Variants in ERG observed in about 807,000 individuals in gnomAD.
The protein encoded by ERG is ETS transcription factor ERG.
In ERG, 9 loss-of-function variants were observed where a neutral mutation model predicts 55.3. That is an observed-to-expected ratio of 0.16 (90% confidence interval 0.10 to 0.28). The LOEUF is 0.28. Ranked by LOEUF, ERG falls within the 10% of genes least tolerant of loss-of-function variation. The pLI, the probability that ERG is intolerant of heterozygous loss-of-function variation, is 1.00. For synonymous variants in ERG, 223 were observed against 237.3 expected, an observed-to-expected ratio of 0.94 and a Z score of 0.55; for missense variants, 434 against 631.6, an observed-to-expected ratio of 0.69 and a Z score of 3.35.
chr21:38,381,400 G>C lies in ERG; in HGVS notation c.*2003C>G. 1 of 1,062,852 alleles carries C rather than the reference G, an allele frequency of 9.4e-7. No homozygotes were observed. Among genetic ancestry groups the C allele is most frequent in the Non-Finnish European group, 1.1e-6 (1 of 877,784 alleles). The allele number at this position is 1,062,852 out of a possible 1,614,324, so 65.8% of individuals were successfully genotyped here. A position where few individuals can be genotyped will look rare whatever the true frequency, so the allele number is the denominator to read the frequency against. On this transcript the variant is annotated 3_prime_UTR_variant, in exon 10 of 10. Transcript: ENST00000288319. ...CCCAGGGAAACTGACTCTAGATTAT[G>C]GAAATAAACATTGTCTTCAAGGGAT...
At chr21:38,528,396 G>A (rs1327610938) in intron 2 of ERG, among the ~76,000 whole-genome samples, 1 of 142,146 alleles carries the variant, frequency 7.0e-6, no homozygotes, top group Non-Finnish European at 1.5e-5. Context: ...ACCCATATTA[G>A]GTTGTTTAGT....
intron 2 of ERG, among the ~76,000 whole-genome samples, chr21:38,566,945 G>A (rs149806433): frequency 5.3e-5 from 8 of 152,250 alleles, no homozygotes; most frequent in Non-Finnish European, 1.0e-4. Flanking sequence ...CTAACCATGC[G>A]CAACTTCCAC....
At chr21:38,583,755 A>G (rs894520781) in intron 1 of ERG, among the ~76,000 whole-genome samples, 1 of 152,214 alleles carries the variant, frequency 6.6e-6, no homozygotes, top group African/African-American at 2.4e-5. Context: ...AGATTTAAAG[A>G]CAGACCTGTA....
rs181862392 is a variant in ERG, at chr21:38,490,611, G to A, written c.18+7752C>T. Reference sequence around the variant, plus strand: ...CCCTCCCCGGTTTGAAGATCCGATAGGGGCACTGCTGTTAGCTCCCCCTGC... The same window carrying A: ...CCCTCCCCGGTTTGAAGATCCGATAAGGGCACTGCTGTTAGCTCCCCCTGC... On this transcript the variant is annotated intron_variant, in intron 1 of 9. Coordinates refer to ENST00000288319, the MANE Select transcript of ERG (RefSeq NM_182918.4). Among the ~76,000 whole-genome samples, 261 of 152,332 alleles carry A rather than the reference G, an allele frequency of 1.7e-3. 3 individuals carry two copies. Among genetic ancestry groups the A allele is most frequent in the African/African-American group, 6.0e-3 (250 of 41,578 alleles).
intron 1 of ERG, among the ~76,000 whole-genome samples, chr21:38,611,327 C>T (rs73217985): frequency 0.2 from 30,402 of 152,070 alleles, 3,517 homozygotes; most frequent in Non-Finnish European, 0.26. Context: ...ACATCACTCC[C>T]GCTGCTCACA....
At chr21:38,627,698 A>C (rs2060333236) in intron 1 of ERG, among the ~76,000 whole-genome samples, 1 of 152,214 alleles carries the variant, frequency 6.6e-6, no homozygotes, top group South Asian at 2.1e-4. Context: ...ATGAACTCTT[A>C]GCGTTCTGGT....
At chr21:38,440,557 A>T (rs898504859) in intron 2 of ERG, among the ~76,000 whole-genome samples, 1 of 152,098 alleles carries the variant, frequency 6.6e-6, no homozygotes, top group African/African-American at 2.4e-5. Flanking sequence ...ATGGTGGCTC[A>T]CGCTTGTAAT....
At chr21:38,417,662 G>A (rs1005202182) in intron 3 of ERG, among the ~76,000 whole-genome samples, 3 of 152,150 alleles carry the variant, frequency 2.0e-5, no homozygotes, top group East Asian at 1.9e-4. Flanking sequence ...GGTGGCAGGC[G>A]CCTGAGATCC....
chr21:38,541,969 TA>T (rs371114200), intron 2 of ERG, among the ~76,000 whole-genome samples: 296 of 43,886 alleles, frequency 6.7e-3, no homozygotes, highest in African/African-American at 0.028. Flanking sequence ...AGCTTCAAAG[TA>T]AAAATACTCT....
At chr21:38,557,820 C>A (rs759845766) in intron 2 of ERG, among the ~76,000 whole-genome samples, 2 of 151,952 alleles carry the variant, frequency 1.3e-5, no homozygotes, top group Non-Finnish European at 2.9e-5. Flanking sequence ...AGATGGGCAC[C>A]CCAGCATCAC....
At chr21:38,408,503 G>T (rs1383305946) in intron 3 of ERG, among the ~76,000 whole-genome samples, 1 of 152,232 alleles carries the variant, frequency 6.6e-6, no homozygotes, top group African/African-American at 2.4e-5. Flanking sequence ...TAACAAGACT[G>T]AAGACCTAGT....
At chr21:38,548,084 A>G (rs2836508) in intron 2 of ERG, among the ~76,000 whole-genome samples, 76,864 of 151,956 alleles carry the variant, frequency 0.51, 20,759 homozygotes, top group Non-Finnish European at 0.62. Flanking sequence ...CATTCTCTTT[A>G]ATTTCTTCTA....
At chr21:38,587,591 C>T (rs190211051), upstream of ERG, among the ~76,000 whole-genome samples, 49 of 152,264 alleles carry the variant, frequency 3.2e-4, no homozygotes, top group African/African-American at 1.0e-3. Flanking sequence ...CTCCTGACCT[C>T]GTGATCCACC....
At chr21:38,627,606 T>C (rs1468011495) in intron 1 of ERG, among the ~76,000 whole-genome samples, 1 of 152,184 alleles carries the variant, frequency 6.6e-6, no homozygotes, top group Non-Finnish European at 1.5e-5. Flanking sequence ...TTATAGAAGA[T>C]GAACATAAAG....
At chr21:38,595,706 G>A (rs1316839418) in intron 1 of ERG, among the ~76,000 whole-genome samples, 3 of 152,154 alleles carry the variant, frequency 2.0e-5, no homozygotes, top group Non-Finnish European at 4.4e-5. Context: ...CTGTGATGAA[G>A]AATGGAGAGA....
intron 2 of ERG, among the ~76,000 whole-genome samples, chr21:38,529,080 CAG>C: frequency 6.6e-6 from 1 of 152,098 alleles, no homozygotes; most frequent in African/African-American, 2.4e-5. Context: ...GTGGCCACAG[CAG>C]AGTGAGCCAG....
At chr21:38,490,267 G>A (rs2059324213) in intron 1 of ERG, among the ~76,000 whole-genome samples, 1 of 152,046 alleles carries the variant, frequency 6.6e-6, no homozygotes, top group African/African-American at 2.4e-5. Context: ...AAAAAAGGTA[G>A]GGGGAAATGC....
chr21:38,567,543 CA>C (rs1237405114), intron 2 of ERG, among the ~76,000 whole-genome samples: 1 of 152,172 alleles, frequency 6.6e-6, no homozygotes, highest in African/African-American at 2.4e-5. Flanking sequence ...GGCAGCATAT[CA>C]AAGACTTACA....
At chr21:38,385,610 A>C (rs960433523) in intron 9 of ERG, among the ~76,000 whole-genome samples, 1 of 152,232 alleles carries the variant, frequency 6.6e-6, no homozygotes, top group Non-Finnish European at 1.5e-5. Flanking sequence ...TCTATGCTGG[A>C]AAGTGCTCAT....
Sources: allele counts gnomAD v4.1 joint callset (sites outside exome capture counted in the v4.1 genomes callset), GRCh38; gene constraint gnomAD v4.1.1; transcripts MANE v1.5; gene names NCBI Gene and HGNC (gene_info 2026-07-23, HGNC 2026-07-21).